LMOD1: variants seen among roughly 807,000 people sequenced by gnomAD.
The protein encoded by LMOD1 is leiomodin 1.
Under a neutral mutation model 36.5 loss-of-function variants are expected in LMOD1, and 8 were observed. That is an observed-to-expected ratio of 0.22 (90% CI 0.13 to 0.40). The LOEUF is 0.40. Ranked by LOEUF, LMOD1 falls within the 10% of genes least tolerant of loss-of-function variation. The probability of loss-of-function intolerance (pLI) is 1.00; values close to 1 mark genes in which losing one functional copy is unlikely to be tolerated. For missense variants in LMOD1, 630 were observed against 751.1 expected (o/e 0.84, Z 1.88); for synonymous variants, 284 against 288.7 (o/e 0.98, Z 0.17).
At chr1:201,925,793 C>T (rs1033663031) in intron 1 of LMOD1, among the ~76,000 whole-genome samples, 19 of 152,088 alleles carry the variant, frequency 1.2e-4, no homozygotes, top group African/African-American at 4.3e-4. Context: ...CAGCCTCAAC[C>T]TCCCAGGCTC....
Position 201,897,855 on chromosome 1 carries a change from T to G in LMOD1, c.*517A>C, listed in dbSNP as rs1398010359. 6.4e-6 allele frequency: 1 copy of G among 155,366 alleles called. No individual in the cohort carries two copies. The highest frequency in any genetic ancestry group is 2.4e-5 in the African/African-American group (1 of 41,518). 9.6% of individuals were successfully genotyped at this position (155,366 alleles called of 1,614,324 possible). A position where few individuals can be genotyped will look rare whatever the true frequency, so the allele number is the denominator to read the frequency against. On this transcript the variant is annotated 3_prime_UTR_variant, in exon 3 of 3. Transcript: ENST00000367288. Reference sequence around the variant, plus strand: ...GCCACATCCTCTAATTAGCCTGGACTTTGGGGTATCCTCAGCCCCTCCCCA... The same window carrying G: ...GCCACATCCTCTAATTAGCCTGGACGTTGGGGTATCCTCAGCCCCTCCCCA...
At chr1:201,917,268 A>G (rs1308673802) in intron 1 of LMOD1, among the ~76,000 whole-genome samples, 12 of 152,208 alleles carry the variant, frequency 7.9e-5, no homozygotes, top group Non-Finnish European at 5.9e-5. Context: ...GCCAAGAGCC[A>G]TCAAGAGGCA....
Position 201,911,966 on chromosome 1 carries a change from G to A in LMOD1, c.262-11215C>T, listed in dbSNP as rs183723008. On this transcript the variant is annotated intron_variant, in intron 1 of 2. Transcript: ENST00000367288. Reference sequence around the variant, plus strand: ...GCCTGGGGCACAGAGCAGGGCCTGTGGAGGAGGCCTGGCTGAGCACTAACA... The same window carrying A: ...GCCTGGGGCACAGAGCAGGGCCTGTAGAGGAGGCCTGGCTGAGCACTAACA... Among the ~76,000 whole-genome samples, 282 of 152,294 alleles carry A rather than the reference G, an allele frequency of 1.9e-3. 2 individuals carry two copies. Among genetic ancestry groups the A allele is most frequent in the African/African-American group, 6.5e-3 (271 of 41,540 alleles).
At chr1:201,926,153 G>A (rs1235801710) in intron 1 of LMOD1, among the ~76,000 whole-genome samples, 1 of 152,200 alleles carries the variant, frequency 6.6e-6, no homozygotes, top group Non-Finnish European at 1.5e-5. Context: ...GCTTTGCTCT[G>A]CTTGGCAGAT....
At chr1:201,908,832 T>C (rs1191613029) in intron 1 of LMOD1, among the ~76,000 whole-genome samples, 1 of 152,190 alleles carries the variant, frequency 6.6e-6, no homozygotes, top group Non-Finnish European at 1.5e-5. Context: ...TCTTCCCACA[T>C]GGCCCCAGCA....
intron 1 of LMOD1, among the ~76,000 whole-genome samples, chr1:201,922,813 G>A (rs1378873967): frequency 6.6e-6 from 1 of 151,394 alleles, no homozygotes; most frequent in African/African-American, 2.4e-5. Flanking sequence ...ACACTGCATT[G>A]GGTATTTTAA....
At chr1:201,939,372 G>A (rs994968115) in intron 1 of LMOD1, among the ~76,000 whole-genome samples, 1 of 152,132 alleles carries the variant, frequency 6.6e-6, no homozygotes, top group Non-Finnish European at 1.5e-5. Context: ...AGATAGCATC[G>A]ATAAAGCCTT....
Position 201,897,288 on chromosome 1 carries a change from T to G in LMOD1, c.*1084A>C, listed in dbSNP as rs999995718. ...CTGAGCCCATGGTTAGGCAGAGTCA[T>G]GGAATGAGCATCCCTGAACATGCCT... On this transcript the variant is annotated 3_prime_UTR_variant, in exon 3 of 3. Coordinates refer to ENST00000367288, the MANE Select transcript of LMOD1 (RefSeq NM_012134.3). 2 of 169,682 alleles carry G rather than the reference T, an allele frequency of 1.2e-5. No homozygotes were observed. The highest frequency in any genetic ancestry group is 5.4e-5 in the Admixed American group (1 of 18,366). 10.5% of individuals were successfully genotyped at this position (169,682 alleles called of 1,614,324 possible). A position where few individuals can be genotyped will look rare whatever the true frequency, so the allele number is the denominator to read the frequency against.
chr1:201,932,414 G>A (rs1681938952), intron 1 of LMOD1, among the ~76,000 whole-genome samples: 1 of 152,044 alleles, frequency 6.6e-6, no homozygotes, highest in Non-Finnish European at 1.5e-5. Context: ...AGAACACGCT[G>A]AAAAGGTTAT....
At chr1:201,938,376 G>A (rs1050388083) in intron 1 of LMOD1, among the ~76,000 whole-genome samples, 4 of 152,088 alleles carry the variant, frequency 2.6e-5, no homozygotes, top group Non-Finnish European at 4.4e-5. Flanking sequence ...TGATCTGCCC[G>A]CCTCGGCCTC....
At chr1:201,924,168 A>G (rs1284673209) in intron 1 of LMOD1, among the ~76,000 whole-genome samples, 1 of 150,982 alleles carries the variant, frequency 6.6e-6, no homozygotes, top group East Asian at 1.9e-4. Flanking sequence ...ACCAAAAAAA[A>G]AAAAAATTAG....
intron 1 of LMOD1, among the ~76,000 whole-genome samples, chr1:201,937,799 T>C (rs1436401744): frequency 2.0e-5 from 3 of 152,102 alleles, no homozygotes; most frequent in Non-Finnish European, 4.4e-5. Context: ...CTGTAACCTC[T>C]ATGAGGGCAA....
chr1:201,932,571 GC>G (rs1414612993), intron 1 of LMOD1, among the ~76,000 whole-genome samples: 2 of 151,930 alleles, frequency 1.3e-5, no homozygotes, highest in Non-Finnish European at 2.9e-5. Flanking sequence ...GGGCAACATG[GC>G]AAAACCCTGT....
chr1:201,946,083 C>A lies in LMOD1; in HGVS notation c.258G>T (p.Met86Ile). ...CTCCAGGGCTGTGCTCACTCACATCCATGGACATCTCCCTCTGCATAAGTT... is the reference window on the plus strand; with the variant it reads ...CTCCAGGGCTGTGCTCACTCACATCAATGGACATCTCCCTCTGCATAAGTT... ...TKKLMQREMS[M>I]DESKQVETKT... The change falls in exon 1 of 3, where the codon ATG (methionine) becomes ATT (isoleucine). Residue 86 changes from methionine to isoleucine, a missense_variant. By Grantham distance (10) the Met-to-Ile change is conservative. This residue lies in a region of LMOD1 where 405 missense variants were observed against 400.6 expected (regional missense o/e 1.01). Coordinates refer to ENST00000367288, the MANE Select transcript of LMOD1 (RefSeq NM_012134.3). 2 of 1,613,676 alleles carry A rather than the reference C, an allele frequency of 1.2e-6. No homozygotes were observed. Among genetic ancestry groups the A allele is most frequent in the Non-Finnish European group, 1.7e-6 (2 of 1,179,636 alleles).
At position 201,900,144 on chromosome 1, in the gene LMOD1, G is replaced by A; in HGVS notation, c.869C>T (p.Thr290Ile). The A allele has an allele frequency of 6.2e-7, 1 of 1,613,928 alleles. No homozygotes were observed. The highest frequency in any genetic ancestry group is 8.5e-7 in the Non-Finnish European group (1 of 1,179,878). Residue 290 changes from threonine (T) to isoleucine (I), a missense_variant, in exon 2 of 3, where the codon ACA (threonine) becomes ATA (isoleucine). Transcript: ENST00000367288. ...GCCACTGGGCGTCTGTTTCTCGGGT[G>A]TTTTGGTCTTGCTGTCATCCTTGGC... ...KEAKDDSKTK[T>I]PEKQTPSGPT... is the part of the protein sequence containing the mutation.
chr1:201,914,602 C>T (rs1292072072), intron 1 of LMOD1, among the ~76,000 whole-genome samples: 2 of 152,236 alleles, frequency 1.3e-5, no homozygotes, highest in African/African-American at 4.8e-5. Flanking sequence ...CACTCCACCC[C>T]TATTCTTGGC....
At chr1:201,909,192 G>A (rs1210226003) in intron 1 of LMOD1, among the ~76,000 whole-genome samples, 1 of 152,142 alleles carries the variant, frequency 6.6e-6, no homozygotes, top group East Asian at 1.9e-4. Context: ...CTGACCTCTC[G>A]GTGGCTTCTC....
chr1:201,935,300 A>G (rs1681997740), intron 1 of LMOD1, among the ~76,000 whole-genome samples: 1 of 149,480 alleles, frequency 6.7e-6, no homozygotes, highest in East Asian at 2.0e-4. Flanking sequence ...TGCCTAAGCT[A>G]TTTGGTGAAT....
chr1:201,909,124 G>A (rs1681453044), intron 1 of LMOD1, among the ~76,000 whole-genome samples: 2 of 152,278 alleles, frequency 1.3e-5, no homozygotes, highest in Middle Eastern at 3.4e-3. Flanking sequence ...ATGAAGCTAC[G>A]AAAAGCTGTG....
Sources: allele counts gnomAD v4.1 joint callset (sites outside exome capture counted in the v4.1 genomes callset), GRCh38; gene constraint gnomAD v4.1.1; regional missense constraint gnomAD v4.1.1; transcripts MANE v1.5; gene names NCBI Gene and HGNC (gene_info 2026-07-23, HGNC 2026-07-21).